The following RNF213 variants were observed in gnomAD, a reference collection of about 807,000 sequenced individuals.
RNF213 encodes E3 ubiquitin-protein ligase RNF213.
RNF213 carries 341 observed loss-of-function variants against 514.4 expected under a neutral mutation model. That is an observed-to-expected ratio of 0.66 (90% CI 0.61 to 0.73). RNF213 has a LOEUF of 0.73. RNF213 is among the 30% of genes least tolerant of loss of function. The pLI is 0.00. For synonymous variants in RNF213, 2,655 were observed against 2,658.2 expected (o/e 1.00, Z 0.04); for missense variants, 5,767 against 6,615.6 (o/e 0.87, Z 4.45).
In RNF213 at chr17:80,372,127, G is replaced by A. The variant is rs150640339; in HGVS notation, c.12537+142G>A. On this transcript the variant is annotated intron_variant, in intron 47 of 67. Coordinates refer to ENST00000582970, the MANE Select transcript of RNF213 (RefSeq NM_001256071.3). ...AAAAGAAGAAAGGTTTCAAAGACGC[G>A]GCTTCTGCCTTCAGCAACGTATATT... 423 of 682,370 alleles carry A rather than the reference G, an allele frequency of 6.2e-4. 2 individuals carry two copies. The East Asian group carries it at 8.4e-3, about 14-fold the overall frequency. 42.3% of individuals were successfully genotyped at this position (682,370 alleles called of 1,614,324 possible). A position where few individuals can be genotyped will look rare whatever the true frequency, so the allele number is the denominator to read the frequency against.
At chr17:80,290,418 T>TGA in intron 6 of RNF213, 152 bp from the exon 7 acceptor site, 1 of 878,932 alleles carries the variant, frequency 1.1e-6, no homozygotes, top group Non-Finnish European at 1.8e-6. Context: ...TGTGTGCGTG[T>TGA]GTGCGAGTGT....
At position 80,342,555 on chromosome 17, in the gene RNF213, T is replaced by TCC. The variant is rs34053469; in HGVS notation, c.5990-577_5990-576insCC. Among the ~76,000 whole-genome samples, 56 of 149,872 alleles carry TCC rather than the reference T, an allele frequency of 3.7e-4. No homozygotes were observed. In the East Asian group the frequency reaches 0.01, roughly 27 times the overall value. ...TAATTTTTCTCTCTCTCTCTCTCTC[T>TCC]ATTTTTATATATATACACACACATG... On this transcript the variant is annotated intron_variant, in intron 26 of 67. Transcript: ENST00000582970.
Position 80,377,649 on chromosome 17 carries a change from A to C in RNF213, c.13511-113A>C. The C allele has an allele frequency of 2.7e-6, 3 of 1,107,158 alleles. No homozygotes were observed. The highest frequency in any genetic ancestry group is 4.2e-6 in the Non-Finnish European group (3 of 717,324). 68.6% of individuals were successfully genotyped at this position (1,107,158 alleles called of 1,614,324 possible). Reference sequence around the variant, plus strand: ...CAAATTAGCGTGGGATGCTCTGGACAGTCATTCTCATATTGTGGTCAGGGC... The same window carrying C: ...CAAATTAGCGTGGGATGCTCTGGACCGTCATTCTCATATTGTGGTCAGGGC... On this transcript the variant is annotated intron_variant, in intron 53 of 67. Coordinates refer to ENST00000582970, the MANE Select transcript of RNF213 (RefSeq NM_001256071.3). The surrounding 1 kb of genome is among the most constrained non-coding windows in gnomAD (Gnocchi z 4.1).
In RNF213 at chr17:80,337,634, C is replaced by A; in HGVS notation, c.4576C>A (p.His1526Asn). ...ATGGCTGAAGACTGTGAATGAGAGT[C>A]ATGGGTCTGTGGAACGCTCATCCCT... ...LEWLKTVNES[H>N]GSVERSSLTL... Residue 1526 changes from histidine to asparagine, a missense_variant, in exon 24 of 68, where the codon CAT becomes AAT. His to Asn is a moderately conservative substitution (Grantham distance 68). This residue lies in a region of RNF213 where 1,377 missense variants were observed against 1,635.2 expected (regional missense o/e 0.84). Transcript: ENST00000582970. 6.5e-7 allele frequency: 1 copy of A among 1,537,270 alleles called. No individual in the cohort carries two copies. Among genetic ancestry groups the A allele is most frequent in the Non-Finnish European group, 8.7e-7 (1 of 1,146,924 alleles).
Position 80,288,572 on chromosome 17 carries a change from T to C in RNF213, c.811-61T>C. ...GTGGCAGATGCTGCCCCTTAAACCATTGAGTCGGAGTCACCCTGGCCCATT... is the reference window on the plus strand; with the variant it reads ...GTGGCAGATGCTGCCCCTTAAACCACTGAGTCGGAGTCACCCTGGCCCATT... On this transcript the variant is annotated intron_variant, in intron 4 of 67. Transcript: ENST00000582970. The surrounding 1 kb of genome is among the most constrained non-coding windows in gnomAD (Gnocchi z 4.9). 1 of 1,613,746 alleles carries C rather than the reference T, an allele frequency of 6.2e-7. No individual in the cohort carries two copies. Among genetic ancestry groups the C allele is most frequent in the Non-Finnish European group, 8.5e-7 (1 of 1,179,970 alleles).
chr17:80,273,525 A>G (rs555192874), intron 3 of RNF213, 121 bp downstream of exon 3: 45 of 1,247,836 alleles, frequency 3.6e-5, no homozygotes, highest in Non-Finnish European at 4.5e-5. Context: ...GAACCTGCCC[A>G]CAGGGCAGCA....
At position 80,381,631 on chromosome 17, in the gene RNF213, G is replaced by T; in HGVS notation, c.13882G>T (p.Ala4628Ser). The T allele has an allele frequency of 6.2e-7, 1 of 1,614,244 alleles. No homozygotes were observed. Among genetic ancestry groups the T allele is most frequent in the Non-Finnish European group, 8.5e-7 (1 of 1,180,048 alleles). Residue 4628 changes from alanine to serine, a missense_variant, in exon 57 of 68, where the codon GCC becomes TCC. Physicochemically the swap from Ala to Ser is moderately conservative, Grantham distance 99. Transcript: ENST00000582970. ...QHILKDLEQL[A>S]KMLGHSADET... ...CATCCTGAAGGACCTGGAGCAGTTGGCCAAGATGCTGGGACACAGTGCCGA... is the reference window on the plus strand; with the variant it reads ...CATCCTGAAGGACCTGGAGCAGTTGTCCAAGATGCTGGGACACAGTGCCGA...
At chr17:80,292,343 C>T (rs7501942) in intron 8 of RNF213, among the ~76,000 whole-genome samples, 195 of 152,246 alleles carry the variant, frequency 1.3e-3, no homozygotes, top group African/African-American at 4.5e-3. Flanking sequence ...GTTGGGATTA[C>T]AGGTGTAAGC....
intron 13 of RNF213, among the ~76,000 whole-genome samples, chr17:80,307,925 C>T (rs934717535): frequency 6.6e-6 from 1 of 151,654 alleles, no homozygotes; most frequent in Non-Finnish European, 1.5e-5. Flanking sequence ...TTATCTCCCC[C>T]TGATCTTTTT....
chr17:80,369,334 G>A (rs903125726), intron 44 of RNF213, among the ~76,000 whole-genome samples, 168 bp from the exon 45 acceptor site: 3 of 151,284 alleles, frequency 2.0e-5, no homozygotes, highest in Non-Finnish European at 4.4e-5. Context: ...GGAGGTGGAG[G>A]TTGCAGTGAG....
chr17:80,310,892 G>A (rs139845061), intron 14 of RNF213, among the ~76,000 whole-genome samples: 4 of 152,236 alleles, frequency 2.6e-5, no homozygotes, highest in East Asian at 1.9e-4. Flanking sequence ...GAACTGTGAC[G>A]TTAGTGATAG....
intron 18 of RNF213, 21 bp from the exon 19 acceptor site, chr17:80,327,795 C>G: frequency 6.5e-7 from 1 of 1,528,640 alleles, no homozygotes; most frequent in South Asian, 1.2e-5. Context: ...ACTGTGTTAA[C>G]TGTGTTCTTC....
At chr17:80,352,689 C>A (rs551681527) in intron 32 of RNF213, 150 of 636,148 alleles carry the variant, frequency 2.4e-4, no homozygotes, top group Non-Finnish European at 4.0e-4. Context: ...GCGTCCTTCC[C>A]ACGCTGGCCA....
chr17:80,275,965 T>A (rs1373994789), intron 3 of RNF213, among the ~76,000 whole-genome samples: 3 of 148,588 alleles, frequency 2.0e-5, no homozygotes, highest in Non-Finnish European at 3.0e-5. Context: ...CCTGGCCAGT[T>A]TTTTTTTTTC....
intron 18 of RNF213, among the ~76,000 whole-genome samples, chr17:80,326,632 G>A (rs1423534485): frequency 6.6e-6 from 1 of 152,134 alleles, no homozygotes; most frequent in Non-Finnish European, 1.5e-5. Flanking sequence ...TTTCCAGAAT[G>A]TCCTATGGTT....
intron 2 of RNF213, 72 bp from the exon 3 acceptor site, chr17:80,273,169 A>G (rs2043884310): frequency 6.3e-7 from 1 of 1,583,952 alleles, no homozygotes; most frequent in Non-Finnish European, 8.7e-7. Flanking sequence ...ACTCGTGGGG[A>G]GGATTTCTGT....
chr17:80,273,272 G>C lies in RNF213; in HGVS notation c.129G>C (p.Ser43=), dbSNP rs767722896. The change falls in exon 3 of 68, where the codon TCG becomes TCC. Residue 43 remains serine, a synonymous_variant. Coordinates refer to ENST00000582970, the MANE Select transcript of RNF213 (RefSeq NM_001256071.3). ...DSENNNSTMA[S]ASEGEMECGQ... is the part of the protein sequence containing the mutation. The stretch of plus-strand genomic sequence containing the variant: ...AGAACAATAACTCCACAATGGCGTC[G>C]GCCTCGGAGGGTGAAATGGAGTGTG... 4 of 1,613,580 alleles carry C rather than the reference G, an allele frequency of 2.5e-6. No homozygotes were observed. Among genetic ancestry groups the C allele is most frequent in the Non-Finnish European group, 3.4e-6 (4 of 1,179,976 alleles).
Position 80,324,873 on chromosome 17 carries a change from A to T in RNF213, c.3025-157A>T, listed in dbSNP as rs578193532. Reference sequence around the variant, plus strand: ...CAAGGAAATGAAAATTTTCGAAGAAATGTAAAGTGTTTTACTATTTTGCTC... The same window carrying T: ...CAAGGAAATGAAAATTTTCGAAGAATTGTAAAGTGTTTTACTATTTTGCTC... On this transcript the variant is annotated intron_variant, in intron 17 of 67. Transcript: ENST00000582970. Among the ~76,000 whole-genome samples, 18 of 152,344 alleles carry T rather than the reference A, an allele frequency of 1.2e-4. No individual in the cohort carries two copies. The South Asian group carries it at 3.5e-3, about 30-fold the overall frequency.
intron 30 of RNF213, 32 bp downstream of exon 30, chr17:80,349,938 C>G (rs1364363742): frequency 3.1e-6 from 5 of 1,612,182 alleles, no homozygotes; most frequent in Admixed American, 1.7e-5. Flanking sequence ...GCTGCCCTCT[C>G]CCTCCCCAGC....
Sources: allele counts gnomAD v4.1 joint callset (sites outside exome capture counted in the v4.1 genomes callset), GRCh38; gene constraint gnomAD v4.1.1; regional missense constraint gnomAD v4.1.1; non-coding constraint Gnocchi (gnomAD v3.1); transcripts MANE v1.5; gene names NCBI Gene and HGNC (gene_info 2026-07-23, HGNC 2026-07-21).